PDE4D: variants seen among roughly 807,000 people sequenced by gnomAD.
PDE4D encodes the protein 3',5'-cyclic-AMP phosphodiesterase 4D.
In PDE4D, 24 loss-of-function variants were observed where a neutral mutation model predicts 87.4. The observed-to-expected ratio is 0.27, with a 90% CI of 0.20 to 0.39. The LOEUF is 0.39. PDE4D is among the 10% of genes least tolerant of loss of function. The pLI is 1.00. For missense variants in PDE4D, 714 were observed against 1,041.0 expected, an observed-to-expected ratio of 0.69 and a Z score of 4.32; for synonymous variants, 384 against 383.2, an observed-to-expected ratio of 1.00 and a Z score of -0.02.
At chr5:59,413,402 G>A (rs1393844339) in intron 1 of PDE4D, among the ~76,000 whole-genome samples, 1 of 141,358 alleles carries the variant, frequency 7.1e-6, no homozygotes, top group Non-Finnish European at 1.5e-5. Flanking sequence ...AGCTTGCAGT[G>A]AGCCGAGATC....
intron 1 of PDE4D, among the ~76,000 whole-genome samples, chr5:59,756,535 C>G (rs13171758): frequency 0.12 from 17,362 of 150,052 alleles, 1,106 homozygotes; most frequent in Middle Eastern, 0.2. Flanking sequence ...CACACACACA[C>G]AGAGACACAC....
intron 1 of PDE4D, among the ~76,000 whole-genome samples, chr5:59,243,393 A>C (rs364511): frequency 3.6e-4 from 54 of 151,436 alleles, no homozygotes; most frequent in African/African-American, 1.2e-3. Flanking sequence ...ATAAATATAT[A>C]AATGTTTTCC....
At chr5:59,606,271 T>G (rs1828188091) in intron 1 of PDE4D, among the ~76,000 whole-genome samples, 1 of 152,108 alleles carries the variant, frequency 6.6e-6, no homozygotes, top group Admixed American at 6.6e-5. Context: ...CAATTAATAA[T>G]TAGCAAAGAA....
At chr5:60,399,051 C>A (rs935899766) in intron 1 of PDE4D, among the ~76,000 whole-genome samples, 1 of 152,150 alleles carries the variant, frequency 6.6e-6, no homozygotes, top group South Asian at 2.1e-4. Flanking sequence ...GAGGAAAAGC[C>A]AAGTTTAAGC....
chr5:60,044,074 A>G (rs1311704518), intron 2 of PDE4D, among the ~76,000 whole-genome samples: 1 of 152,062 alleles, frequency 6.6e-6, no homozygotes, highest in Non-Finnish European at 1.5e-5. Context: ...TGATTTGAAC[A>G]TAATATGACT....
At chr5:60,111,837 T>G (rs921140095) in intron 2 of PDE4D, among the ~76,000 whole-genome samples, 4 of 152,026 alleles carry the variant, frequency 2.6e-5, no homozygotes, top group Non-Finnish European at 5.9e-5. Context: ...TTATTAGTTT[T>G]GTTCTCATTT....
chr5:59,424,962 C>T (rs1010602368), intron 1 of PDE4D, among the ~76,000 whole-genome samples: 1 of 152,128 alleles, frequency 6.6e-6, no homozygotes, highest in African/African-American at 2.4e-5. Context: ...ACTTGAAAAG[C>T]ATATCTCAAT....
chr5:59,082,771 A>G (rs996431447), intron 5 of PDE4D, among the ~76,000 whole-genome samples: 3 of 152,150 alleles, frequency 2.0e-5, no homozygotes, highest in African/African-American at 7.2e-5. Context: ...AAATGCAGTT[A>G]CTTTTGCCCT....
chr5:60,364,099 T>C (rs923830440), intron 1 of PDE4D, among the ~76,000 whole-genome samples: 1 of 152,176 alleles, frequency 6.6e-6, no homozygotes, highest in African/African-American at 2.4e-5. Flanking sequence ...ATATTCATAA[T>C]AGAAAGCTAG....
chr5:60,018,810 C>T (rs1765765310), intron 2 of PDE4D, among the ~76,000 whole-genome samples: 1 of 152,120 alleles, frequency 6.6e-6, no homozygotes. Flanking sequence ...TATATATGCA[C>T]CCAATACATG....
At chr5:59,290,505 A>T (rs898901109) in intron 1 of PDE4D, among the ~76,000 whole-genome samples, 4 of 152,090 alleles carry the variant, frequency 2.6e-5, no homozygotes, top group Non-Finnish European at 5.9e-5. Flanking sequence ...TCTCTAGAAC[A>T]TTGGACTGGG....
chr5:59,220,817 T>TTTTTTTTTTTTTTTTTTTTTTTTTG (rs1366624441), intron 1 of PDE4D, among the ~76,000 whole-genome samples: 1 of 151,474 alleles, frequency 6.6e-6, no homozygotes, highest in African/African-American at 2.4e-5. Context: ...AGACATTCTT[T>TTTTTTTTTTTTTTTTTTTTTTTTTG]AGAAAACACT....
At chr5:59,859,610 CA>C (rs1242592598) in intron 1 of PDE4D, among the ~76,000 whole-genome samples, 2 of 152,076 alleles carry the variant, frequency 1.3e-5, no homozygotes, top group African/African-American at 4.8e-5. Flanking sequence ...GGATAATAAC[CA>C]ACTAAATTTT....
intron 1 of PDE4D, among the ~76,000 whole-genome samples, chr5:59,747,950 G>T (rs949984750): frequency 3.3e-5 from 5 of 151,992 alleles, no homozygotes; most frequent in African/African-American, 1.2e-4. Flanking sequence ...TAATACAATT[G>T]ACAACACACC....
At chr5:60,199,938 T>A (rs2149541914) in intron 1 of PDE4D, among the ~76,000 whole-genome samples, 1 of 151,778 alleles carries the variant, frequency 6.6e-6, no homozygotes, top group African/African-American at 2.4e-5. Context: ...TCTTTGCTTA[T>A]GGCAAGAGAA....
intron 5 of PDE4D, among the ~76,000 whole-genome samples, chr5:59,071,683 CT>C (rs10701223): frequency 4.1e-4 from 34 of 82,400 alleles, no homozygotes; most frequent in Admixed American, 2.2e-3. Flanking sequence ...TATTTCTCTT[CT>C]TTTTTTTTTT....
chr5:60,149,977 A>G (rs984876314), intron 2 of PDE4D, among the ~76,000 whole-genome samples: 8 of 147,216 alleles, frequency 5.4e-5, no homozygotes, highest in Non-Finnish European at 1.2e-4. Context: ...TATAATATAT[A>G]CATATATGTA....
chr5:60,506,135 C>T (rs1256357763), intron 1 of PDE4D, among the ~76,000 whole-genome samples: 4 of 152,214 alleles, frequency 2.6e-5, no homozygotes, highest in African/African-American at 4.8e-5. Context: ...CAGTCAGCAT[C>T]ATTGCAGTGT....
intron 1 of PDE4D, among the ~76,000 whole-genome samples, chr5:60,407,841 C>T (rs778063148): frequency 2.6e-5 from 4 of 152,142 alleles, no homozygotes; most frequent in Non-Finnish European, 5.9e-5. Flanking sequence ...TTCTTAGACC[C>T]TCCTCCCATT....
Sources: gnomAD v4.1 joint callset for allele counts (sites outside exome capture counted in the v4.1 genomes callset) on GRCh38, gnomAD v4.1.1 for gene constraint, MANE v1.5 for transcripts, NCBI Gene and HGNC (gene_info 2026-07-23, HGNC 2026-07-21) for gene names.